CLEC9A: variants seen among roughly 807,000 people sequenced by gnomAD.
CLEC9A encodes the protein C-type lectin domain family 9 member A.
CLEC9A carries 24 observed loss-of-function variants against 30.0 expected under a neutral mutation model. The observed-to-expected ratio is 0.80, with a 90% CI of 0.58 to 1.13. CLEC9A has a LOEUF of 1.13. CLEC9A is among the 50% of genes most tolerant of loss of function. The pLI, the probability that CLEC9A is intolerant of heterozygous loss-of-function variation, is 0.00. For missense variants in CLEC9A, 251 were observed against 280.9 expected, an observed-to-expected ratio of 0.89 and a Z score of 0.76; for synonymous variants, 111 against 96.8, an observed-to-expected ratio of 1.15 and a Z score of -0.86.
intron 2 of CLEC9A, among the ~76,000 whole-genome samples, chr12:10,047,135 T>C (rs1865853796): frequency 6.6e-6 from 1 of 152,344 alleles, no homozygotes; most frequent in Non-Finnish European, 1.5e-5. Flanking sequence ...ACACCTCAAA[T>C]GTTACTTGCT....
chr12:10,040,826 ATTAT>A, intron 1 of CLEC9A: 1 of 168,858 alleles, frequency 5.9e-6, no homozygotes, highest in Middle Eastern at 1.7e-3. Flanking sequence ...ACAAAATGTT[ATTAT>A]TTATTTTTTA....
chr12:10,054,427 A>G (rs1865922396), intron 5 of CLEC9A, 76 bp downstream of exon 5: 1 of 929,532 alleles, frequency 1.1e-6, no homozygotes, highest in African/African-American at 1.7e-5. Context: ...TGGATGGAAA[A>G]TCAATTCATA....
chr12:10,055,933 C>T (rs1865938714), intron 5 of CLEC9A, among the ~76,000 whole-genome samples: 1 of 151,282 alleles, frequency 6.6e-6, no homozygotes, highest in African/African-American at 2.4e-5. Context: ...GTGGGGTGCG[C>T]CTGTAATCCT....
intron 8 of CLEC9A, 119 bp downstream of exon 8, chr12:10,064,972 C>A (rs569301984): frequency 8.2e-7 from 1 of 1,221,628 alleles, no homozygotes; most frequent in Non-Finnish European, 1.1e-6. Flanking sequence ...ATGTTACAGG[C>A]GGCTAATTGG....
At position 10,054,287 on chromosome 12, in the gene CLEC9A, G is replaced by C. The variant is rs749890807; in HGVS notation, c.108G>C (p.Val36=). The change falls in exon 5 of 9, where the codon GTG becomes GTC. Residue 36 remains valine (V), a synonymous_variant. Transcript: ENST00000355819. The part of the protein sequence containing the change: ...SNKCSGACCL[V]MVISCVFCMG... ...TGTGGTTAGGAGCATGCTGTCTTGT[G>C]ATGGTGATTTCATGTGTTTTCTGCA... The C allele has an allele frequency of 1.2e-6, 2 of 1,612,988 alleles. No individual in the cohort carries two copies. Among genetic ancestry groups the C allele is most frequent in the Non-Finnish European group, 1.7e-6 (2 of 1,179,372 alleles).
chr12:10,031,035 C>T (rs995209500), intron 1 of CLEC9A, 63 bp downstream of exon 1: 23 of 152,022 alleles, frequency 1.5e-4, no homozygotes, highest in African/African-American at 5.1e-4. Flanking sequence ...CAGAGAAGGT[C>T]ATCTGAACCT....
chr12:10,050,635 G>T (rs971457735), intron 2 of CLEC9A, among the ~76,000 whole-genome samples: 2 of 152,206 alleles, frequency 1.3e-5, no homozygotes, highest in South Asian at 2.1e-4. Context: ...TCCATACAAT[G>T]AAATTTATCA....
At chr12:10,041,279 CA>C (rs11407709) in intron 1 of CLEC9A, among the ~76,000 whole-genome samples, 186 bp from the exon 2 acceptor site, 1 of 150,066 alleles carries the variant, frequency 6.7e-6, no homozygotes, top group Non-Finnish European at 1.5e-5. Context: ...AACAAACAAA[CA>C]AAAAAAAACA....
chr12:10,039,545 G>GT (rs778425145), intron 1 of CLEC9A, among the ~76,000 whole-genome samples: 122 of 152,296 alleles, frequency 8.0e-4, no homozygotes, highest in Non-Finnish European at 1.4e-3. Flanking sequence ...CCAAAATGGA[G>GT]TTTTTCAATT....
chr12:10,064,440 T>A (rs1011116767), intron 7 of CLEC9A, among the ~76,000 whole-genome samples: 1 of 152,204 alleles, frequency 6.6e-6, no homozygotes, highest in Non-Finnish European at 1.5e-5. Context: ...GAAGGTTCAG[T>A]ATAACACTTT....
At chr12:10,057,687 C>T (rs1016774274) in intron 5 of CLEC9A, among the ~76,000 whole-genome samples, 1 of 151,810 alleles carries the variant, frequency 6.6e-6, no homozygotes, top group East Asian at 1.9e-4. Context: ...AAATACTTTT[C>T]TATATACATA....
chr12:10,032,264 G>C (rs1865704480), intron 1 of CLEC9A, among the ~76,000 whole-genome samples: 1 of 152,026 alleles, frequency 6.6e-6, no homozygotes, highest in Non-Finnish European at 1.5e-5. Context: ...AAGAACTCGG[G>C]CAAAGACGCC....
chr12:10,054,315 G>A lies in CLEC9A; in HGVS notation c.136G>A (p.Gly46Arg). 1 of 1,612,468 alleles carries A rather than the reference G, an allele frequency of 6.2e-7. No homozygotes were observed. The highest frequency in any genetic ancestry group is 8.5e-7 in the Non-Finnish European group (1 of 1,179,166). ...VMVISCVFCM[G>R]LLTASIFLGV... ...GGTGATTTCATGTGTTTTCTGCATG[G>A]GATTATTAACAGCATCCATTTTCTT... The change falls in exon 5 of 9, where the codon GGA becomes AGA. Residue 46 changes from glycine to arginine, a missense_variant. Transcript: ENST00000355819.
At chr12:10,064,659 G>A (rs1301695188) in intron 7 of CLEC9A, 73 bp from the exon 8 acceptor site, 1 of 1,477,626 alleles carries the variant, frequency 6.8e-7, no homozygotes, top group Non-Finnish European at 9.1e-7. Context: ...TAGGCAAAAT[G>A]TCACACTTTA....
Position 10,065,768 on chromosome 12 carries a change from T to G in CLEC9A, c.*136T>G. On this transcript the variant is annotated 3_prime_UTR_variant, in exon 9 of 9. Coordinates refer to ENST00000355819, the MANE Select transcript of CLEC9A (RefSeq NM_207345.4). Reference sequence around the variant, plus strand: ...ATGAAATTAGCAACCTGGGACTCAATAATACACTTGGGAATATTCTTCCAC... The same window carrying G: ...ATGAAATTAGCAACCTGGGACTCAAGAATACACTTGGGAATATTCTTCCAC... 8 of 795,834 alleles carry G rather than the reference T, an allele frequency of 1.0e-5. No individual in the cohort carries two copies. Among genetic ancestry groups the G allele is most frequent in the Non-Finnish European group, 1.5e-5 (8 of 518,464 alleles). The allele number at this position is 795,834 out of a possible 1,614,324, so 49.3% of individuals were successfully genotyped here.
Position 10,065,639 on chromosome 12 carries a change from T to C in CLEC9A, c.*7T>C. ...GTTGAGATCCTCTGTCTGAAAGAAA[T>C]TGTGTTCAAAGTGTTCTATTACACT... is the stretch of plus-strand genomic sequence containing the variant. On this transcript the variant is annotated 3_prime_UTR_variant, in exon 9 of 9. Coordinates refer to ENST00000355819, the MANE Select transcript of CLEC9A (RefSeq NM_207345.4). 6.2e-7 allele frequency: 1 copy of C among 1,613,490 alleles called. No individual in the cohort carries two copies. Among genetic ancestry groups the C allele is most frequent in the Non-Finnish European group, 8.5e-7 (1 of 1,179,616 alleles).
chr12:10,044,102 G>A (rs1865823826), intron 2 of CLEC9A, among the ~76,000 whole-genome samples: 1 of 152,110 alleles, frequency 6.6e-6, no homozygotes, highest in South Asian at 2.1e-4. Flanking sequence ...AAGTCTCCAA[G>A]AATTAGATAC....
At chr12:10,062,202 A>T (rs1211891071) in intron 6 of CLEC9A, among the ~76,000 whole-genome samples, 2 of 152,228 alleles carry the variant, frequency 1.3e-5, no homozygotes, top group East Asian at 3.8e-4. Flanking sequence ...GGGATTTCAA[A>T]CAAAAGATAT....
intron 2 of CLEC9A, chr12:10,043,212 T>A: frequency 4.9e-6 from 2 of 404,348 alleles, no homozygotes; most frequent in Non-Finnish European, 9.9e-6. Context: ...ATGTTTACAA[T>A]AGGAATACAT....
Sources: gnomAD v4.1 joint callset for allele counts (sites outside exome capture counted in the v4.1 genomes callset) on GRCh38, gnomAD v4.1.1 for gene constraint, MANE v1.5 for transcripts, NCBI Gene and HGNC (gene_info 2026-07-23, HGNC 2026-07-21) for gene names.